MED13L: variants seen among roughly 807,000 people sequenced by gnomAD.
The protein encoded by MED13L is mediator complex subunit 13L, also known as mediator of RNA polymerase II transcription subunit 13-like.
In MED13L, 7 loss-of-function variants were observed where a neutral mutation model predicts 220.9. The observed-to-expected ratio is 0.03, with a 90% CI of 0.02 to 0.06. The LOEUF (loss-of-function observed/expected upper bound fraction) is 0.06, where lower values mean the gene tolerates loss of function less well. Among genes scored for constraint, MED13L ranks in the 10% least tolerant of loss-of-function variants. The pLI, the probability that MED13L is intolerant of heterozygous loss-of-function variation, is 1.00. For synonymous variants in MED13L, 1,011 were observed against 1,015.2 expected, an observed-to-expected ratio of 1.00 and a Z score of 0.08; for missense variants, 1,965 against 2,760.5, an observed-to-expected ratio of 0.71 and a Z score of 6.46.
intron 16 of MED13L, among the ~76,000 whole-genome samples, chr12:115,992,630 C>G (rs141115111): frequency 2.6e-5 from 4 of 152,324 alleles, no homozygotes; most frequent in Middle Eastern, 3.4e-3. Context: ...AGAAATATTA[C>G]ATATGCGGCT....
chr12:116,068,242 T>C (rs558169208), intron 4 of MED13L, among the ~76,000 whole-genome samples: 49 of 152,318 alleles, frequency 3.2e-4, no homozygotes, highest in African/African-American at 1.2e-3. Flanking sequence ...CTGATAATAC[T>C]AATGGGACAA....
chr12:116,150,028 T>C (rs1285134253), intron 2 of MED13L, among the ~76,000 whole-genome samples: 2 of 152,172 alleles, frequency 1.3e-5, no homozygotes, highest in East Asian at 1.9e-4. Context: ...TGGAAGTGGA[T>C]CAAATACAAA....
intron 3 of MED13L, among the ~76,000 whole-genome samples, chr12:116,108,387 GA>G (rs1293186758): frequency 9.0e-5 from 9 of 100,482 alleles, no homozygotes; most frequent in Non-Finnish European, 1.2e-4. Context: ...AGCTTTAAAA[GA>G]AAGGGGGGGG....
intron 4 of MED13L, among the ~76,000 whole-genome samples, chr12:116,062,240 C>T (rs1342084641): frequency 2.0e-5 from 3 of 151,788 alleles, no homozygotes; most frequent in East Asian, 2.0e-4. Context: ...GCAACCTCCA[C>T]CTCCCAGGCT....
At chr12:116,051,013 C>T (rs938943967) in intron 4 of MED13L, among the ~76,000 whole-genome samples, 2 of 152,020 alleles carry the variant, frequency 1.3e-5, no homozygotes, top group African/African-American at 4.8e-5. Flanking sequence ...TATTTAACAA[C>T]ATATCTTTAA....
At chr12:116,187,024 C>T (rs1408473263) in intron 2 of MED13L, among the ~76,000 whole-genome samples, 1 of 152,166 alleles carries the variant, frequency 6.6e-6, no homozygotes, top group Non-Finnish European at 1.5e-5. Context: ...TTTATTAATA[C>T]CCAATGCTTT....
chr12:116,233,526 G>A (rs1458926561), intron 2 of MED13L, among the ~76,000 whole-genome samples: 2 of 152,120 alleles, frequency 1.3e-5, no homozygotes, highest in Non-Finnish European at 2.9e-5. Context: ...GCCTTTTAGA[G>A]GGGAGACTAT....
intron 2 of MED13L, among the ~76,000 whole-genome samples, chr12:116,118,945 T>G (rs1034959176): frequency 1.3e-5 from 2 of 152,214 alleles, no homozygotes; most frequent in Non-Finnish European, 2.9e-5. Flanking sequence ...ATAATCAAGG[T>G]TGGTTTTCTA....
chr12:116,159,165 T>C (rs1305518148), intron 2 of MED13L, among the ~76,000 whole-genome samples: 1 of 152,196 alleles, frequency 6.6e-6, no homozygotes, highest in East Asian at 1.9e-4. Flanking sequence ...ATTCTATTTA[T>C]TTAGAAGCCT....
At chr12:115,988,913 CTTCATAAA>C (rs1283675926) in intron 17 of MED13L, among the ~76,000 whole-genome samples, 1 of 152,208 alleles carries the variant, frequency 6.6e-6, no homozygotes, top group Admixed American at 6.5e-5. Context: ...ATTTTCTTCA[CTTCATAAA>C]TTCATTCAGT....
chr12:116,167,984 TA>T (rs1879403753), intron 2 of MED13L, among the ~76,000 whole-genome samples: 1 of 151,948 alleles, frequency 6.6e-6, no homozygotes, highest in South Asian at 2.1e-4. Flanking sequence ...ATGCTAGCTT[TA>T]AAAAAAATAA....
At chr12:116,032,627 CT>C (rs1566021554) in intron 4 of MED13L, among the ~76,000 whole-genome samples, 1 of 152,170 alleles carries the variant, frequency 6.6e-6, no homozygotes, top group Non-Finnish European at 1.5e-5. Context: ...TGGCTCCTCT[CT>C]TTACTTCTTA....
chr12:116,236,643 T>C (rs1593195185), intron 2 of MED13L, among the ~76,000 whole-genome samples: 1 of 152,230 alleles, frequency 6.6e-6, no homozygotes, highest in East Asian at 1.9e-4. Flanking sequence ...AAAGAGTTAA[T>C]ACCCTAACTA....
chr12:116,220,997 A>G (rs1868381505), intron 2 of MED13L, among the ~76,000 whole-genome samples: 1 of 152,194 alleles, frequency 6.6e-6, no homozygotes, highest in Admixed American at 6.5e-5. Context: ...CGATGCGGTA[A>G]AAGCTGCCAC....
chr12:115,987,389 TA>T (rs1877766329), intron 17 of MED13L, 101 bp from the exon 18 acceptor site: 1 of 1,082,182 alleles, frequency 9.2e-7, no homozygotes. Flanking sequence ...ACAATGACGT[TA>T]TTAGCTGTAG....
intron 4 of MED13L, among the ~76,000 whole-genome samples, chr12:116,071,385 TAATA>T (rs942405291): frequency 2.6e-5 from 4 of 152,208 alleles, no homozygotes; most frequent in Non-Finnish European, 4.4e-5. Flanking sequence ...TGTTTTAAAA[TAATA>T]AATAATTTTC....
rs377275481 is a variant in MED13L at position 115,970,564 on chromosome 12, G to A, written c.6067+30C>T. 9 of 1,608,528 alleles carry A rather than the reference G, an allele frequency of 5.6e-6. No individual in the cohort carries two copies. The African/African-American group carries it at 1.1e-4, about 19-fold the overall frequency. On this transcript the variant is annotated intron_variant, in intron 27 of 30. Coordinates refer to ENST00000281928, the MANE Select transcript of MED13L (RefSeq NM_015335.5). ...CTCCGGCTCTGCCCTGCATGAAGGT[G>A]AGCACTATCCATACAGGTCTTCTAC...
chr12:115,984,832 G>A (rs1249149845), intron 19 of MED13L, among the ~76,000 whole-genome samples: 2 of 151,312 alleles, frequency 1.3e-5, no homozygotes, highest in African/African-American at 4.9e-5. Flanking sequence ...ATCACCAATA[G>A]CAGGGGCCAC....
chr12:116,210,244 G>A (rs1047926646), intron 2 of MED13L, among the ~76,000 whole-genome samples: 1 of 152,116 alleles, frequency 6.6e-6, no homozygotes, highest in African/African-American at 2.4e-5. Flanking sequence ...AATCTTCAGT[G>A]AAATCATTGC....
Sources: gnomAD v4.1 joint callset for allele counts (sites outside exome capture counted in the v4.1 genomes callset) on GRCh38, gnomAD v4.1.1 for gene constraint, MANE v1.5 for transcripts, NCBI Gene and HGNC (gene_info 2026-07-23, HGNC 2026-07-21) for gene names.